Variants in CARS2 observed in about 807,000 individuals in gnomAD.
The protein encoded by CARS2 is probable cysteine--tRNA ligase, mitochondrial.
CARS2 carries 52 observed loss-of-function variants against 68.8 expected under a neutral mutation model. The observed-to-expected ratio is 0.76, with a 90% CI of 0.61 to 0.95. The LOEUF (loss-of-function observed/expected upper bound fraction) is 0.95, where lower values mean the gene tolerates loss of function less well. CARS2 is among the 40% of genes least tolerant of loss of function. The probability of loss-of-function intolerance (pLI) is 0.00; values close to 1 mark genes in which losing one functional copy is unlikely to be tolerated. For synonymous variants in CARS2, 314 were observed against 303.6 expected (o/e 1.03, Z -0.36); for missense variants, 780 against 754.2 (o/e 1.03, Z -0.40).
chr13:110,662,635 TC>T (rs2062542075), intron 9 of CARS2, among the ~76,000 whole-genome samples: 1 of 152,222 alleles, frequency 6.6e-6, no homozygotes, highest in Admixed American at 6.5e-5. Context: ...TACAGCAAAA[TC>T]ATCACAACTA....
chr13:110,656,808 C>T (rs544154543), intron 9 of CARS2, among the ~76,000 whole-genome samples: 4 of 151,818 alleles, frequency 2.6e-5, no homozygotes, highest in East Asian at 1.9e-4. Flanking sequence ...GGCGTGAACC[C>T]GGAAGGCGGA....
At chr13:110,644,645 A>C in intron 12 of CARS2, 162 bp from the exon 13 acceptor site, 3 of 1,221,708 alleles carry the variant, frequency 2.5e-6, no homozygotes, top group African/African-American at 1.5e-5. Flanking sequence ...CGGCTACCTC[A>C]CTGCAGACCA....
chr13:110,690,185 C>T (rs2063417116), intron 3 of CARS2, among the ~76,000 whole-genome samples: 1 of 151,962 alleles, frequency 6.6e-6, no homozygotes. Context: ...CCAACACTGC[C>T]CTACTGCACT....
exon 1 of CARS2, chr13:110,713,306 G>A (rs937759970): frequency 2.5e-6 from 3 of 1,195,732 alleles, no homozygotes; most frequent in Non-Finnish European, 3.1e-6. Flanking sequence ...TGTGTACCAT[G>A]GTCTCGGAGG....
rs529204067 is a variant in CARS2, at chr13:110,663,922, C to T, written c.920-404G>A. ...CTCATTTGACAAATCAGGCACTTGG[C>T]GGTGAAGCTTGTTGACCGTTGTCCA... On this transcript the variant is annotated intron_variant, in intron 8 of 14. Transcript: ENST00000257347. The T allele has an allele frequency of 2.7e-5, 27 of 1,000,848 alleles. No individual in the cohort carries two copies. The South Asian group carries it at 8.8e-4, about 32-fold the overall frequency. The allele number at this position is 1,000,848 out of a possible 1,614,324, so 62.0% of individuals were successfully genotyped here. A position where few individuals can be genotyped will look rare whatever the true frequency, so the allele number is the denominator to read the frequency against.
At chr13:110,660,741 G>A (rs922845383) in intron 9 of CARS2, among the ~76,000 whole-genome samples, 6 of 150,862 alleles carry the variant, frequency 4.0e-5, no homozygotes, top group African/African-American at 1.5e-4. Context: ...TACAGCACAG[G>A]GAGAGTACAC....
chr13:110,697,921 A>G (rs1176075215), intron 3 of CARS2: 4 of 454,576 alleles, frequency 8.8e-6, no homozygotes, highest in South Asian at 1.6e-5. Flanking sequence ...CAGAGACCTC[A>G]GTGAAAATGT....
chr13:110,693,132 A>G (rs1275158624), intron 3 of CARS2, among the ~76,000 whole-genome samples: 382 of 141,310 alleles, frequency 2.7e-3, no homozygotes, highest in Non-Finnish European at 3.8e-3. Context: ...AAAAAAAAAA[A>G]GAATTAATTT....
At chr13:110,642,578 C>CT (rs397695391) in intron 13 of CARS2, 57 bp from the exon 14 acceptor site, 2 of 1,539,938 alleles carry the variant, frequency 1.3e-6, no homozygotes, top group East Asian at 2.2e-5. Flanking sequence ...TGGATGCCCC[C>CT]TCCCCACCCC....
intron 5 of CARS2, among the ~76,000 whole-genome samples, chr13:110,686,716 C>A (rs2063314080): frequency 1.3e-5 from 2 of 151,524 alleles, no homozygotes; most frequent in African/African-American, 4.9e-5. Context: ...GATACCAGGC[C>A]TGGCTGATTT....
At chr13:110,704,500 G>A (rs553243637) in intron 2 of CARS2, among the ~76,000 whole-genome samples, 2 of 152,326 alleles carry the variant, frequency 1.3e-5, no homozygotes, top group East Asian at 3.9e-4. Context: ...AAGGCAGGTG[G>A]ATCATTTGAG....
chr13:110,659,111 C>T (rs1235361526), intron 9 of CARS2, among the ~76,000 whole-genome samples: 1 of 152,110 alleles, frequency 6.6e-6, no homozygotes, highest in Non-Finnish European at 1.5e-5. Flanking sequence ...GCATTATATA[C>T]AGGTGTCCAT....
At chr13:110,689,754 A>C (rs914374666) in intron 3 of CARS2, among the ~76,000 whole-genome samples, 1 of 152,182 alleles carries the variant, frequency 6.6e-6, no homozygotes, top group Non-Finnish European at 1.5e-5. Flanking sequence ...ACTCCAATAC[A>C]CTTCAGCCCC....
chr13:110,707,115 C>T (rs563048659), upstream of CARS2, among the ~76,000 whole-genome samples: 231 of 151,936 alleles, frequency 1.5e-3, 1 homozygote, highest in Non-Finnish European at 2.5e-4. Context: ...CAGTGTGCAC[C>T]CCAACACAGC....
chr13:110,646,176 A>G (rs1888093122), intron 11 of CARS2, 86 bp from the exon 12 acceptor site: 2 of 1,448,674 alleles, frequency 1.4e-6, no homozygotes, highest in Admixed American at 2.3e-5. Flanking sequence ...CCAGGGAGAG[A>G]CGCTGGGGGC....
Position 110,665,063 on chromosome 13 carries a change from G to A in CARS2, c.920-1545C>T. On this transcript the variant is annotated intron_variant, in intron 8 of 14. Transcript: ENST00000257347. This position sits in a 1 kb window ranked among gnomAD's most constrained non-coding sequence, Gnocchi z 4.3. The stretch of plus-strand genomic sequence containing the variant: ...AACAGGTGTCACTTCTCCTGCGTCA[G>A]GAGACACTGATGTTTTGTTTGGGGC... The A allele has an allele frequency of 1.0e-6, 1 of 985,450 alleles. No homozygotes were observed. Among genetic ancestry groups the A allele is most frequent in the Non-Finnish European group, 1.2e-6 (1 of 829,940 alleles). The allele number at this position is 985,450 out of a possible 1,614,324, so 61.0% of individuals were successfully genotyped here.
chr13:110,665,787 T>G lies in CARS2; in HGVS notation c.919+1553A>C. ...AATCAGCCTCATCTATTTACTTTCA[T>G]GAAGAAACCCAAGTGAACCCTGCTG... On this transcript the variant is annotated intron_variant, in intron 8 of 14. Coordinates refer to ENST00000257347, the MANE Select transcript of CARS2 (RefSeq NM_024537.4). The surrounding 1 kb of genome is among the most constrained non-coding windows in gnomAD (Gnocchi z 4.3). The G allele has an allele frequency of 1.0e-6, 1 of 985,360 alleles. No individual in the cohort carries two copies. The highest frequency in any genetic ancestry group is 1.2e-6 in the Non-Finnish European group (1 of 829,914). 61.0% of individuals were successfully genotyped at this position (985,360 alleles called of 1,614,324 possible). A position where few individuals can be genotyped will look rare whatever the true frequency, so the allele number is the denominator to read the frequency against.
At chr13:110,682,760 C>T (rs1377997611) in intron 6 of CARS2, among the ~76,000 whole-genome samples, 7 of 152,044 alleles carry the variant, frequency 4.6e-5, no homozygotes, top group Admixed American at 2.0e-4. Context: ...TTTTCATGTG[C>T]GCTGAAAACC....
At chr13:110,702,794 A>G (rs2063827446) in intron 2 of CARS2, among the ~76,000 whole-genome samples, 1 of 152,202 alleles carries the variant, frequency 6.6e-6, no homozygotes. Context: ...AGTGCCGGGC[A>G]GCCAAGTCTG....
Sources: allele counts gnomAD v4.1 joint callset (sites outside exome capture counted in the v4.1 genomes callset), GRCh38; gene constraint gnomAD v4.1.1; non-coding constraint Gnocchi (gnomAD v3.1); transcripts MANE v1.5; gene names NCBI Gene and HGNC (gene_info 2026-07-23, HGNC 2026-07-21).